DNM3: variants seen among roughly 807,000 people sequenced by gnomAD.
The protein encoded by DNM3 is dynamin-3.
In DNM3, 47 loss-of-function variants were observed where a neutral mutation model predicts 101.6. The ratio of observed to expected loss-of-function variants is 0.46; its 90% confidence interval spans 0.37 to 0.59. The LOEUF (loss-of-function observed/expected upper bound fraction) is 0.59. Ranked by LOEUF, DNM3 falls within the 20% of genes least tolerant of loss-of-function variation. DNM3 has a pLI of 0.00. For synonymous variants in DNM3, 385 were observed against 387.9 expected (o/e 0.99, Z 0.09); for missense variants, 849 against 1,085.7 (o/e 0.78, Z 3.06).
chr1:172,411,226 T>C lies in DNM3; in HGVS notation c.*3385T>C, dbSNP rs2071186020. The C allele has an allele frequency of 2.0e-6, 2 of 985,164 alleles. No individual in the cohort carries two copies. Among genetic ancestry groups the C allele is most frequent in the Non-Finnish European group, 2.4e-6 (2 of 829,754 alleles). 61.0% of individuals were successfully genotyped at this position (985,164 alleles called of 1,614,324 possible). On this transcript the variant is annotated 3_prime_UTR_variant, in exon 21 of 21. Coordinates refer to ENST00000627582, the MANE Select transcript of DNM3 (RefSeq NM_015569.5). ...GATCTGCCATAACATGTGGTAACAA[T>C]AGTTCATTTCTCATAACATATATGA...
At chr1:172,263,739 A>C (rs980672002) in intron 15 of DNM3, among the ~76,000 whole-genome samples, 1 of 152,170 alleles carries the variant, frequency 6.6e-6, no homozygotes, top group Admixed American at 6.5e-5. Flanking sequence ...CTCCCATGAC[A>C]TGTGGGATTT....
intron 10 of DNM3, among the ~76,000 whole-genome samples, chr1:172,065,921 A>C (rs2051621074): frequency 6.6e-6 from 1 of 152,200 alleles, no homozygotes; most frequent in South Asian, 2.1e-4. Flanking sequence ...CAGCAATGGA[A>C]GATTTAATGT....
chr1:171,866,651 TTTAAA>T (rs1365636093), intron 1 of DNM3, among the ~76,000 whole-genome samples: 1 of 152,206 alleles, frequency 6.6e-6, no homozygotes, highest in Non-Finnish European at 1.5e-5. Flanking sequence ...AATTTTCAAG[TTTAAA>T]TTAATTTTTC....
chr1:172,192,767 A>G (rs1040053879), intron 14 of DNM3, among the ~76,000 whole-genome samples: 5 of 151,550 alleles, frequency 3.3e-5, no homozygotes, highest in African/African-American at 1.2e-4. Flanking sequence ...TTCTTAATCC[A>G]GTCTATCATT....
chr1:172,071,117 A>ATATATATATATATATC (rs1553362093), intron 11 of DNM3, among the ~76,000 whole-genome samples: 2 of 131,694 alleles, frequency 1.5e-5, no homozygotes, highest in African/African-American at 2.9e-5. Context: ...ATATATATAT[A>ATATATATATATATATC]TATCTTAGTT....
intron 15 of DNM3, among the ~76,000 whole-genome samples, chr1:172,292,192 A>G (rs1271444315): frequency 2.0e-5 from 3 of 152,134 alleles, no homozygotes; most frequent in African/African-American, 7.2e-5. Context: ...AGCTCTTCAC[A>G]TATATAATCC....
At chr1:171,883,112 G>A (rs1020284075) in intron 1 of DNM3, among the ~76,000 whole-genome samples, 2 of 151,772 alleles carry the variant, frequency 1.3e-5, no homozygotes, top group African/African-American at 4.8e-5. Flanking sequence ...CTCTTTGAAA[G>A]CATATTTTCC....
At chr1:171,879,298 T>C (rs1404635552) in intron 1 of DNM3, among the ~76,000 whole-genome samples, 3 of 152,202 alleles carry the variant, frequency 2.0e-5, no homozygotes, top group Non-Finnish European at 1.5e-5. Context: ...TTTAATGTAT[T>C]GAGTAGCTAT....
chr1:172,192,034 G>A (rs2059746129), intron 14 of DNM3, among the ~76,000 whole-genome samples: 1 of 152,044 alleles, frequency 6.6e-6, no homozygotes, highest in South Asian at 2.1e-4. Context: ...ACACTATCTT[G>A]AATACGAGTG....
intron 1 of DNM3, among the ~76,000 whole-genome samples, chr1:171,863,942 A>AC (rs2034450972): frequency 6.6e-6 from 1 of 152,236 alleles, no homozygotes; most frequent in Non-Finnish European, 1.5e-5. Context: ...CTTTGAACAC[A>AC]GAAGAATTAT....
intron 4 of DNM3, among the ~76,000 whole-genome samples, chr1:172,024,808 A>C (rs2048087358): frequency 6.6e-6 from 1 of 152,222 alleles, no homozygotes; most frequent in South Asian, 2.1e-4. Context: ...CACAACCTAC[A>C]GGCAAGAGAT....
chr1:171,909,438 A>T (rs1207624961), intron 1 of DNM3, among the ~76,000 whole-genome samples: 2 of 88,984 alleles, frequency 2.2e-5, no homozygotes, highest in East Asian at 7.7e-4. Flanking sequence ...ACTCTGTCTT[A>T]AAAAAAAAAA....
intron 2 of DNM3, among the ~76,000 whole-genome samples, chr1:171,944,885 G>A (rs1163391529): frequency 1.3e-5 from 1 of 79,238 alleles, no homozygotes; most frequent in Non-Finnish European, 2.3e-5. Context: ...TTTTTTTGAG[G>A]CAGGGTCTCA....
At chr1:171,963,716 AATTAT>A (rs1198070562) in intron 2 of DNM3, among the ~76,000 whole-genome samples, 1 of 150,704 alleles carries the variant, frequency 6.6e-6, no homozygotes, top group Non-Finnish European at 1.5e-5. Flanking sequence ...TGGTGAAAAT[AATTAT>A]ATTATCTCTA....
At chr1:172,038,281 C>A in intron 6 of DNM3, 38 bp from the exon 7 acceptor site, 1 of 1,610,842 alleles carries the variant, frequency 6.2e-7, no homozygotes, top group Non-Finnish European at 8.5e-7. Context: ...GTATATGATT[C>A]AATCTTCAAT....
chr1:172,131,778 T>A, intron 14 of DNM3: 2 of 393,288 alleles, frequency 5.1e-6, no homozygotes, highest in Non-Finnish European at 1.0e-5. Context: ...GAGTCTCAGA[T>A]CATTGTTTAT....
At chr1:171,989,981 C>T (rs1267935256) in intron 4 of DNM3, among the ~76,000 whole-genome samples, 2 of 151,982 alleles carry the variant, frequency 1.3e-5, no homozygotes, top group African/African-American at 4.8e-5. Context: ...ATTTCTTTGT[C>T]TTTTTGTTCT....
intron 2 of DNM3, among the ~76,000 whole-genome samples, chr1:171,924,715 T>G (rs1416157456): frequency 2.6e-5 from 4 of 152,114 alleles, no homozygotes; most frequent in African/African-American, 9.7e-5. Context: ...AAGATGAGAT[T>G]TGGGTGGGGA....
chr1:172,328,184 G>C (rs1254381573), intron 17 of DNM3, among the ~76,000 whole-genome samples: 1 of 152,026 alleles, frequency 6.6e-6, no homozygotes, highest in African/African-American at 2.4e-5. Flanking sequence ...TTTCTCTGTT[G>C]GGTCGAAAAT....
Sources: allele counts gnomAD v4.1 joint callset (sites outside exome capture counted in the v4.1 genomes callset), GRCh38; gene constraint gnomAD v4.1.1; transcripts MANE v1.5; gene names NCBI Gene and HGNC (gene_info 2026-07-23, HGNC 2026-07-21).